DSCAM: variants seen among roughly 807,000 people sequenced by gnomAD.
DSCAM encodes the protein DS cell adhesion molecule.
In DSCAM, 47 loss-of-function variants were observed where a neutral mutation model predicts 217.7. The observed-to-expected ratio is 0.22, with a 90% CI of 0.17 to 0.28. DSCAM has a LOEUF of 0.28. Ranked by LOEUF, DSCAM falls within the 10% of genes least tolerant of loss-of-function variation. The pLI, the probability that DSCAM is intolerant of heterozygous loss-of-function variation, is 1.00. For missense variants in DSCAM, 2,080 were observed against 2,618.3 expected (o/e 0.79, Z 4.49); for synonymous variants, 1,056 against 1,015.3 (o/e 1.04, Z -0.76).
At chr21:40,349,778 A>G (rs62223796) in intron 5 of DSCAM, among the ~76,000 whole-genome samples, 4,105 of 152,324 alleles carry the variant, frequency 0.027, 69 homozygotes, top group Middle Eastern at 0.044. Context: ...AAGGTCAGAA[A>G]GTGCTGAGCA....
intron 3 of DSCAM, among the ~76,000 whole-genome samples, chr21:40,533,687 ATCCATCCATTCATCCATCCATCCATCC>A: frequency 6.7e-6 from 1 of 149,320 alleles, no homozygotes; most frequent in African/African-American, 2.5e-5. Flanking sequence ...CCATCCATCC[ATCCATCCATTCATCCATCCATCCATCC>A]ACCCACCCAC....
intron 29 of DSCAM, among the ~76,000 whole-genome samples, chr21:40,055,391 T>C (rs2088998309): frequency 4.6e-5 from 7 of 152,214 alleles, no homozygotes; most frequent in Admixed American, 4.6e-4. Context: ...TCTGGATTGA[T>C]GTGTAGTCGA....
intron 1 of DSCAM, among the ~76,000 whole-genome samples, chr21:40,844,853 G>A (rs1050737379): frequency 2.0e-5 from 3 of 152,254 alleles, no homozygotes; most frequent in Admixed American, 6.5e-5. Flanking sequence ...AACCAGCACA[G>A]CCTCTTTCAT....
intron 1 of DSCAM, among the ~76,000 whole-genome samples, chr21:40,770,696 C>G (rs542076868): frequency 2.0e-4 from 30 of 152,216 alleles, no homozygotes; most frequent in African/African-American, 7.2e-4. Context: ...TCACAACAAC[C>G]CTACAGGAGG....
chr21:40,235,966 C>T (rs1223977026), intron 11 of DSCAM, among the ~76,000 whole-genome samples: 3 of 152,116 alleles, frequency 2.0e-5, no homozygotes, highest in African/African-American at 7.2e-5. Context: ...GTTGCCAAAG[C>T]CCCAGGTGAT....
intron 32 of DSCAM, among the ~76,000 whole-genome samples, chr21:40,024,240 G>T: frequency 1.1e-5 from 1 of 89,566 alleles, no homozygotes; most frequent in East Asian, 3.0e-4. Flanking sequence ...TCTGTGTTTT[G>T]GTACCAGTAC....
chr21:40,214,082 C>T (rs1162733824), intron 11 of DSCAM, among the ~76,000 whole-genome samples: 2 of 152,228 alleles, frequency 1.3e-5, no homozygotes, highest in African/African-American at 2.4e-5. Context: ...AGACATCAGG[C>T]AATGAGTGAT....
intron 3 of DSCAM, among the ~76,000 whole-genome samples, chr21:40,517,935 C>T (rs1285189573): frequency 6.6e-6 from 1 of 152,060 alleles, no homozygotes; most frequent in Non-Finnish European, 1.5e-5. Flanking sequence ...TTTGGCCCTG[C>T]ACATGGCTCT....
At chr21:40,299,961 A>G (rs1416339421) in intron 9 of DSCAM, among the ~76,000 whole-genome samples, 1 of 152,176 alleles carries the variant, frequency 6.6e-6, no homozygotes, top group Non-Finnish European at 1.5e-5. Context: ...GCATTTCCTG[A>G]GTACTCAGTG....
chr21:40,332,317 G>A (rs910728092), intron 8 of DSCAM, among the ~76,000 whole-genome samples: 11 of 152,116 alleles, frequency 7.2e-5, no homozygotes, highest in African/African-American at 2.7e-4. Context: ...GGGTTGTGTT[G>A]GAATCAAAAC....
intron 3 of DSCAM, among the ~76,000 whole-genome samples, chr21:40,676,292 C>T (rs960145639): frequency 6.6e-6 from 1 of 152,188 alleles, no homozygotes; most frequent in African/African-American, 2.4e-5. Context: ...TACACATGTT[C>T]AGGACCATCA....
chr21:40,025,061 T>C (rs936843052), intron 32 of DSCAM, among the ~76,000 whole-genome samples: 34 of 128,960 alleles, frequency 2.6e-4, no homozygotes, highest in African/African-American at 8.6e-4. Context: ...ACCTAACTTA[T>C]TGAGAGTTTT....
intron 8 of DSCAM, among the ~76,000 whole-genome samples, chr21:40,326,503 G>A (rs1016444255): frequency 6.6e-6 from 1 of 152,222 alleles, no homozygotes; most frequent in Non-Finnish European, 1.5e-5. Context: ...GGTTAGCCAG[G>A]AAGACAAAGC....
At chr21:40,388,303 G>A (rs1311501882) in intron 3 of DSCAM, among the ~76,000 whole-genome samples, 1 of 152,048 alleles carries the variant, frequency 6.6e-6, no homozygotes, top group Non-Finnish European at 1.5e-5. Context: ...GATAATAATG[G>A]CAAATATGAT....
chr21:40,151,829 C>A (rs537906627), intron 16 of DSCAM, among the ~76,000 whole-genome samples: 3 of 152,268 alleles, frequency 2.0e-5, no homozygotes, highest in Admixed American at 2.0e-4. Flanking sequence ...TGCTGGCCTA[C>A]ACAGAAGGAT....
intron 24 of DSCAM, among the ~76,000 whole-genome samples, chr21:40,081,831 G>A (rs2089466362): frequency 6.6e-6 from 1 of 152,106 alleles, no homozygotes; most frequent in Non-Finnish European, 1.5e-5. Context: ...AGGAATGCTG[G>A]GTTACCTTTG....
chr21:40,290,054 C>T (rs938081338), intron 10 of DSCAM, among the ~76,000 whole-genome samples: 2 of 151,966 alleles, frequency 1.3e-5, no homozygotes, highest in Non-Finnish European at 1.5e-5. Context: ...ACATGGAGAA[C>T]AGAAATGGAA....
intron 32 of DSCAM, among the ~76,000 whole-genome samples, chr21:40,029,499 C>G (rs899678105): frequency 6.6e-6 from 1 of 151,302 alleles, no homozygotes; most frequent in Non-Finnish European, 1.5e-5. Context: ...GCCAGTAATT[C>G]GAAAGAGTTA....
chr21:40,404,383 A>T (rs548262406), intron 3 of DSCAM, among the ~76,000 whole-genome samples: 1 of 152,196 alleles, frequency 6.6e-6, no homozygotes, highest in Non-Finnish European at 1.5e-5. Context: ...TTTGCAAGTG[A>T]TTTCCTAAGA....
Sources: gnomAD v4.1 joint callset for allele counts (sites outside exome capture counted in the v4.1 genomes callset) on GRCh38, gnomAD v4.1.1 for gene constraint, MANE v1.5 for transcripts, NCBI Gene and HGNC (gene_info 2026-07-23, HGNC 2026-07-21) for gene names.